The following ZNF704 variants were observed in gnomAD, a reference collection of about 807,000 sequenced individuals.
The protein encoded by ZNF704 is zinc finger protein 704, also known as glucocorticoid induced gene 1.
A neutral mutation model predicts 44.7 loss-of-function variants in ZNF704; 10 were observed. The observed-to-expected ratio is 0.22, with a 90% CI of 0.14 to 0.38. ZNF704 has a LOEUF of 0.38. ZNF704 is among the 10% of genes least tolerant of loss of function. The pLI, the probability that ZNF704 is intolerant of heterozygous loss-of-function variation, is 1.00. For synonymous variants in ZNF704, 211 were observed against 207.6 expected (o/e 1.02, Z -0.14); for missense variants, 390 against 545.5 (o/e 0.71, Z 2.84).
intron 2 of ZNF704, among the ~76,000 whole-genome samples, chr8:80,719,666 A>T (rs1432597537): frequency 6.6e-6 from 1 of 152,156 alleles, no homozygotes; most frequent in Non-Finnish European, 1.5e-5. Flanking sequence ...CTGCCTTTTC[A>T]CTATGAATTT....
At chr8:80,724,282 A>G (rs1399587833) in intron 2 of ZNF704, among the ~76,000 whole-genome samples, 1 of 152,242 alleles carries the variant, frequency 6.6e-6, no homozygotes, top group Non-Finnish European at 1.5e-5. Context: ...AGATGGTGTC[A>G]ATAATAAATC....
At chr8:80,836,154 A>G (rs1808554740) in intron 1 of ZNF704, among the ~76,000 whole-genome samples, 1 of 152,142 alleles carries the variant, frequency 6.6e-6, no homozygotes, top group Non-Finnish European at 1.5e-5. Context: ...AACAAAAGCC[A>G]AAGTCCTTGC....
At chr8:80,748,173 A>G (rs1806879651) in intron 2 of ZNF704, among the ~76,000 whole-genome samples, 1 of 152,220 alleles carries the variant, frequency 6.6e-6, no homozygotes, top group Admixed American at 6.5e-5. Context: ...TTGTCAGAAG[A>G]AAAGAGATTG....
At chr8:80,883,816 C>G in the ZNF704 span, among the ~76,000 whole-genome samples, 1 of 152,300 alleles carries the variant, frequency 6.6e-6, no homozygotes, top group East Asian at 1.9e-4. Flanking sequence ...CATCAGGTTT[C>G]CAATTAGGGT....
intron 1 of ZNF704, among the ~76,000 whole-genome samples, chr8:80,827,803 C>G (rs1400592232): frequency 6.6e-6 from 1 of 152,064 alleles, no homozygotes; most frequent in Non-Finnish European, 1.5e-5. Context: ...ACAAAACTGA[C>G]AAAAGCAAGA....
Position 80,827,461 on chromosome 8 carries a change from AG to A in ZNF704, c.-21-5847del, listed in dbSNP as rs1260453831. Among the ~76,000 whole-genome samples, 12 of 152,354 alleles carry A rather than the reference AG, an allele frequency of 7.9e-5. No individual in the cohort carries two copies. The South Asian group carries it at 1.5e-3, about 18-fold the overall frequency. ...GGAAGAATATTCCATGCTCATGGATAGGAAGAATCAATATCATGAAAATGGC... is the reference window on the plus strand; with the variant it reads ...GGAAGAATATTCCATGCTCATGGATAGAAGAATCAATATCATGAAAATGGC... On this transcript the variant is annotated intron_variant, in intron 1 of 8. Transcript: ENST00000327835.
chr8:80,693,042 G>C lies in ZNF704; in HGVS notation c.287C>G (p.Thr96Ser). 1 of 1,614,204 alleles carries C rather than the reference G, an allele frequency of 6.2e-7. No homozygotes were observed. Among genetic ancestry groups the C allele is most frequent in the East Asian group, 2.2e-5 (1 of 44,878 alleles). ...GGGAGGACTTCGAACCAAAGGGCTA[G>C]TCGACAAGCTGGTTAGTACCATTGC... ...TAAMVLTSLS[T>S]SPLVRSPPVR... Residue 96 changes from threonine to serine, a missense_variant, in exon 3 of 9, where the codon ACT becomes AGT. By Grantham distance (58) the Thr-to-Ser change is moderately conservative (BLOSUM62 1). Transcript: ENST00000327835.
intron 2 of ZNF704, among the ~76,000 whole-genome samples, chr8:80,797,394 T>C (rs541947370): frequency 6.6e-6 from 1 of 152,224 alleles, no homozygotes; most frequent in Non-Finnish European, 1.5e-5. Context: ...AAAAGTCTTC[T>C]GCCTGAGTCC....
At chr8:80,659,921 T>G (rs1361292211) in intron 6 of ZNF704, among the ~76,000 whole-genome samples, 2 of 152,220 alleles carry the variant, frequency 1.3e-5, no homozygotes, top group Admixed American at 1.3e-4. Flanking sequence ...TTTTGACTGT[T>G]GATTTCTGAA....
intron 2 of ZNF704, among the ~76,000 whole-genome samples, chr8:80,812,771 T>C (rs558495314): frequency 7.2e-5 from 11 of 152,352 alleles, no homozygotes; most frequent in African/African-American, 2.2e-4. Flanking sequence ...TTTTATACTA[T>C]AGATATAGTT....
At chr8:80,864,751 G>C (rs923433918) in intron 1 of ZNF704, among the ~76,000 whole-genome samples, 4 of 152,152 alleles carry the variant, frequency 2.6e-5, no homozygotes, top group African/African-American at 9.7e-5. Flanking sequence ...GGGTGGGAAG[G>C]GCAAACCCAT....
Position 80,664,883 on chromosome 8 carries a change from A to G in ZNF704, c.859T>C (p.Leu287=). Residue 287 remains leucine (L), a synonymous_variant, in exon 6 of 9, where the codon TTG becomes CTG. Transcript: ENST00000327835. ...ETPCAKTETK[L]MTPLSRSAPT... ...GCTGAGCGGCTCAACGGCGTCATCA[A>G]CTTAGTCTCCGTTTTGGCACAAGGA... The G allele has an allele frequency of 6.2e-7, 1 of 1,614,190 alleles. No individual in the cohort carries two copies.
intron 2 of ZNF704, among the ~76,000 whole-genome samples, chr8:80,771,096 T>C (rs752921037): frequency 6.6e-6 from 1 of 152,208 alleles, no homozygotes; most frequent in Non-Finnish European, 1.5e-5. Flanking sequence ...TCTCCACAAA[T>C]AGCACACAGT....
At chr8:80,803,288 T>C (rs1807932424) in intron 2 of ZNF704, among the ~76,000 whole-genome samples, 1 of 152,194 alleles carries the variant, frequency 6.6e-6, no homozygotes, top group Non-Finnish European at 1.5e-5. Context: ...TTCAATCCTG[T>C]TCCCTTTAAA....
At chr8:80,807,952 C>A (rs1423883004) in intron 2 of ZNF704, among the ~76,000 whole-genome samples, 2 of 152,182 alleles carry the variant, frequency 1.3e-5, no homozygotes, top group African/African-American at 4.8e-5. Flanking sequence ...TTTCTCTATT[C>A]AGCCTGATCT....
chr8:80,666,650 T>C (rs1276517677), intron 5 of ZNF704, among the ~76,000 whole-genome samples: 2 of 152,168 alleles, frequency 1.3e-5, no homozygotes, highest in African/African-American at 4.8e-5. Context: ...CTTTAATGAC[T>C]GCCATTCTAA....
At chr8:80,645,252 G>A (rs990198279) in intron 7 of ZNF704, 3 of 1,346,228 alleles carry the variant, frequency 2.2e-6, no homozygotes, top group African/African-American at 2.9e-5. Context: ...AATCAGTATT[G>A]CCATATGTAG....
chr8:80,814,457 T>C lies in ZNF704; in HGVS notation c.221+6917A>G, dbSNP rs554007931. Among the ~76,000 whole-genome samples, 360 of 152,326 alleles carry C rather than the reference T, an allele frequency of 2.4e-3. 1 individual carries two copies. Among genetic ancestry groups the C allele is most frequent in the Non-Finnish European group, 4.1e-3 (282 of 68,024 alleles). ...AACATTTTGGCAAATGTGTAGCAAA[T>C]AGACTGTAGCAAGAAACCAGAGACA... On this transcript the variant is annotated intron_variant, in intron 2 of 8. Transcript: ENST00000327835.
At chr8:80,884,021 G>A in the ZNF704 span, among the ~76,000 whole-genome samples, 20 of 152,194 alleles carry the variant, frequency 1.3e-4, 1 homozygote, top group Admixed American at 2.6e-4. Flanking sequence ...TGAGACATCA[G>A]CATATGCTGA....
Sources: allele counts gnomAD v4.1 joint callset (sites outside exome capture counted in the v4.1 genomes callset), GRCh38; gene constraint gnomAD v4.1.1; transcripts MANE v1.5; gene names NCBI Gene and HGNC (gene_info 2026-07-23, HGNC 2026-07-21).